XKR4: variants seen among roughly 807,000 people sequenced by gnomAD.
The protein encoded by XKR4 is XK related 4, also known as XK-related protein 4.
In XKR4, 12 loss-of-function variants were observed where a neutral mutation model predicts 53.9. The observed-to-expected ratio is 0.22, with a 90% CI of 0.14 to 0.36. The LOEUF is 0.36. Among genes scored for constraint, XKR4 ranks in the 10% least tolerant of loss-of-function variants. The probability of loss-of-function intolerance (pLI) is 1.00; values close to 1 mark genes in which losing one functional copy is unlikely to be tolerated. For missense variants in XKR4, 799 were observed against 859.5 expected, an observed-to-expected ratio of 0.93 and a Z score of 0.88; for synonymous variants, 354 against 362.4, an observed-to-expected ratio of 0.98 and a Z score of 0.26.
chr8:55,505,850 G>T (rs928500990), intron 2 of XKR4, among the ~76,000 whole-genome samples: 1 of 152,194 alleles, frequency 6.6e-6, no homozygotes, highest in African/African-American at 2.4e-5. Flanking sequence ...TTTAAAAACA[G>T]GAAAACTAAA....
chr8:55,228,041 G>A (rs960237973), intron 1 of XKR4, among the ~76,000 whole-genome samples: 1 of 152,126 alleles, frequency 6.6e-6, no homozygotes, highest in African/African-American at 2.4e-5. Context: ...AGAGAAGCTG[G>A]GATTACGGAC....
intron 1 of XKR4, among the ~76,000 whole-genome samples, chr8:55,294,982 C>A (rs1211086303): frequency 2.0e-5 from 3 of 152,206 alleles, no homozygotes; most frequent in Non-Finnish European, 4.4e-5. Flanking sequence ...ATATTTCTCT[C>A]ATTTTCTTTC....
At chr8:55,463,818 C>T (rs1174229757) in intron 2 of XKR4, among the ~76,000 whole-genome samples, 2 of 152,098 alleles carry the variant, frequency 1.3e-5, no homozygotes, top group South Asian at 2.1e-4. Flanking sequence ...CACAGAAATA[C>T]AAACTACCAT....
At chr8:55,245,884 C>T (rs1818278464) in intron 1 of XKR4, among the ~76,000 whole-genome samples, 1 of 152,118 alleles carries the variant, frequency 6.6e-6, no homozygotes. Context: ...TACTTGAAGC[C>T]AGGAGTTCAA....
At position 55,527,464 on chromosome 8, in the gene XKR4, G is replaced by A. The variant is rs1334024423; in HGVS notation, c.*3237G>A. Reference sequence around the variant, plus strand: ...TGTAATTTGTTTTACTTTTAAACTTGCATTTCTAAATATGAAACCATGTTT... The same window carrying A: ...TGTAATTTGTTTTACTTTTAAACTTACATTTCTAAATATGAAACCATGTTT... On this transcript the variant is annotated 3_prime_UTR_variant, in exon 3 of 3. Transcript: ENST00000327381. 3.3e-5 allele frequency: 5 copies of A among 152,096 alleles called. No individual in the cohort carries two copies. Among genetic ancestry groups the A allele is most frequent in the Non-Finnish European group, 7.4e-5 (5 of 68,008 alleles). 9.4% of individuals were successfully genotyped at this position (152,096 alleles called of 1,614,324 possible).
In XKR4 at chr8:55,242,535, G is replaced by A. The variant is rs557814814; in HGVS notation, c.807-115143G>A. Among the ~76,000 whole-genome samples, 5 of 152,284 alleles carry A rather than the reference G, an allele frequency of 3.3e-5. 2 individuals are homozygous for A. Among genetic ancestry groups the A allele is most frequent in the South Asian group, 4.1e-4 (2 of 4,826 alleles). ...CACTTTGTTCAAAATTGGATATAGA[G>A]TAAATAACAGTATTTTAAGATGTTT... On this transcript the variant is annotated intron_variant, in intron 1 of 2. Coordinates refer to ENST00000327381, the MANE Select transcript of XKR4 (RefSeq NM_052898.2).
chr8:55,182,414 C>A (rs1013806423), intron 1 of XKR4, among the ~76,000 whole-genome samples: 1 of 151,946 alleles, frequency 6.6e-6, no homozygotes, highest in Admixed American at 6.6e-5. Context: ...ACTATATTTT[C>A]TTCTAAAAGT....
intron 1 of XKR4, among the ~76,000 whole-genome samples, chr8:55,300,991 AT>A (rs1356795903): frequency 4.6e-5 from 7 of 152,066 alleles, no homozygotes; most frequent in Non-Finnish European, 8.8e-5. Flanking sequence ...TTATTTTTTT[AT>A]TTATTTTTTA....
At chr8:55,434,168 T>C (rs1805142241) in intron 2 of XKR4, among the ~76,000 whole-genome samples, 1 of 152,222 alleles carries the variant, frequency 6.6e-6, no homozygotes, top group African/African-American at 2.4e-5. Flanking sequence ...ACCACCTATA[T>C]ATACATTAGA....
intron 1 of XKR4, among the ~76,000 whole-genome samples, chr8:55,303,482 G>T (rs901421388): frequency 6.6e-6 from 1 of 152,156 alleles, no homozygotes; most frequent in African/African-American, 2.4e-5. Flanking sequence ...TCTCTGCCAG[G>T]CTTTGGTATC....
intron 1 of XKR4, among the ~76,000 whole-genome samples, chr8:55,327,071 C>T (rs761889079): frequency 5.6e-4 from 85 of 152,188 alleles, no homozygotes; most frequent in Non-Finnish European, 8.2e-4. Flanking sequence ...CGTTGCAAGG[C>T]GTTTATGAAA....
intron 1 of XKR4, among the ~76,000 whole-genome samples, chr8:55,197,179 A>G (rs1817517020): frequency 1.3e-5 from 2 of 152,210 alleles, no homozygotes; most frequent in South Asian, 4.1e-4. Context: ...TAAAAGCTGT[A>G]ACAACTCTTG....
chr8:55,140,969 A>G (rs747356842), intron 1 of XKR4, among the ~76,000 whole-genome samples: 3 of 152,332 alleles, frequency 2.0e-5, no homozygotes, highest in Non-Finnish European at 4.4e-5. Context: ...TTATTGAAAT[A>G]TAACTCACAT....
Position 55,471,067 on chromosome 8 carries a change from C to G in XKR4, c.1007-52214C>G, listed in dbSNP as rs140275758. Among the ~76,000 whole-genome samples the G allele has an allele frequency of 1.2e-4, 18 of 152,236 alleles. No individual in the cohort carries two copies. The East Asian group carries it at 3.5e-3, about 29-fold the overall frequency. The stretch of plus-strand genomic sequence containing the variant: ...GTTGCACCATCCAGTACAGTAGCCA[C>G]TAGCCACATTGAAAATTAAATAACT... On this transcript the variant is annotated intron_variant, in intron 2 of 2. Coordinates refer to ENST00000327381, the MANE Select transcript of XKR4 (RefSeq NM_052898.2).
chr8:55,403,164 A>G lies in XKR4; in HGVS notation c.1006+45287A>G, dbSNP rs115210161. ...TACCTATTCAACTTTATCAGTAATTAAACTAAATTTTGTTGATTTAAAAAA... is the reference window on the plus strand; with the variant it reads ...TACCTATTCAACTTTATCAGTAATTGAACTAAATTTTGTTGATTTAAAAAA... On this transcript the variant is annotated intron_variant, in intron 2 of 2. Coordinates refer to ENST00000327381, the MANE Select transcript of XKR4 (RefSeq NM_052898.2). 2.7e-3 allele frequency among the ~76,000 whole-genome samples: 416 copies of G among 152,334 alleles called. 2 individuals are homozygous for G. Among genetic ancestry groups the G allele is most frequent in the African/African-American group, 8.5e-3 (355 of 41,564 alleles).
Position 55,347,780 on chromosome 8 carries a change from A to G in XKR4, c.807-9898A>G, listed in dbSNP as rs1803669818. ...ATGGCATATTTCATCCTTGATGGCAAGGCCTTGAAACTTTTTTCTGCCTTT... is the reference window on the plus strand; with the variant it reads ...ATGGCATATTTCATCCTTGATGGCAGGGCCTTGAAACTTTTTTCTGCCTTT... On this transcript the variant is annotated intron_variant, in intron 1 of 2. Coordinates refer to ENST00000327381, the MANE Select transcript of XKR4 (RefSeq NM_052898.2). Among the ~76,000 whole-genome samples, 4 of 152,300 alleles carry G rather than the reference A, an allele frequency of 2.6e-5. No individual in the cohort carries two copies. In the South Asian group the frequency reaches 8.3e-4, roughly 32 times the overall value.
At chr8:55,390,748 T>G (rs1804433576) in intron 2 of XKR4, among the ~76,000 whole-genome samples, 1 of 152,182 alleles carries the variant, frequency 6.6e-6, no homozygotes, top group Non-Finnish European at 1.5e-5. Flanking sequence ...CTGGCACTGG[T>G]TTCTTCCCTG....
chr8:55,157,079 T>C (rs188190492), intron 1 of XKR4, among the ~76,000 whole-genome samples: 2 of 152,234 alleles, frequency 1.3e-5, no homozygotes, highest in Non-Finnish European at 2.9e-5. Context: ...CTATAACAAC[T>C]TTCCATGACC....
intron 2 of XKR4, among the ~76,000 whole-genome samples, chr8:55,479,936 G>A (rs894094357): frequency 6.6e-6 from 1 of 152,116 alleles, no homozygotes; most frequent in African/African-American, 2.4e-5. Flanking sequence ...AAAAGTCCAG[G>A]ACCAGACGGA....
Sources: allele counts gnomAD v4.1 joint callset (sites outside exome capture counted in the v4.1 genomes callset), GRCh38; gene constraint gnomAD v4.1.1; transcripts MANE v1.5; gene names NCBI Gene and HGNC (gene_info 2026-07-23, HGNC 2026-07-21).